MAD1L1: variants seen among roughly 807,000 people sequenced by gnomAD.
MAD1L1 encodes mitotic arrest deficient 1 like 1, also known as mitotic spindle assembly checkpoint protein MAD1.
Under a neutral mutation model 96.9 loss-of-function variants are expected in MAD1L1, and 95 were observed. That is an observed-to-expected ratio of 0.98 (90% CI 0.83 to 1.16). The LOEUF is 1.16. MAD1L1 is among the 50% of genes most tolerant of loss of function. The probability of loss-of-function intolerance (pLI) is 0.00; values close to 1 mark genes in which losing one functional copy is unlikely to be tolerated. For synonymous variants in MAD1L1, 473 were observed against 396.6 expected (o/e 1.19, Z -2.29); for missense variants, 1,007 against 954.4 (o/e 1.06, Z -0.73).
chr7:1,901,939 G>A (rs1787271206), intron 17 of MAD1L1, among the ~76,000 whole-genome samples: 1 of 152,224 alleles, frequency 6.6e-6, no homozygotes. Context: ...CCCTCTTAGA[G>A]GTACCTGCTA....
chr7:1,947,124 C>T (rs949337536), intron 16 of MAD1L1, among the ~76,000 whole-genome samples: 10 of 152,214 alleles, frequency 6.6e-5, no homozygotes, highest in Admixed American at 1.3e-4. Context: ...TCATAAGACC[C>T]GGAGCAGAGG....
chr7:1,875,371 G>A (rs930520881), intron 18 of MAD1L1, among the ~76,000 whole-genome samples: 13 of 152,180 alleles, frequency 8.5e-5, no homozygotes, highest in Admixed American at 2.6e-4. Flanking sequence ...GCTGACAGTC[G>A]CCCTCCTCGA....
At chr7:2,067,195 G>T in intron 12 of MAD1L1, among the ~76,000 whole-genome samples, 1 of 131,788 alleles carries the variant, frequency 7.6e-6, no homozygotes, top group East Asian at 2.0e-4. Flanking sequence ...GGCCACGTTC[G>T]CAGGCACCCG....
chr7:1,914,688 A>G (rs1455368230), intron 17 of MAD1L1, among the ~76,000 whole-genome samples: 1 of 152,168 alleles, frequency 6.6e-6, no homozygotes, highest in African/African-American at 2.4e-5. Context: ...ATCACAGCTC[A>G]CTGTGGCCTT....
chr7:1,978,047 G>A (rs561439099), intron 15 of MAD1L1, among the ~76,000 whole-genome samples: 12 of 152,360 alleles, frequency 7.9e-5, no homozygotes, highest in East Asian at 1.9e-4. Context: ...AGACCTTCCC[G>A]ATGCGCTGCT....
In MAD1L1 at chr7:1,962,649, T is replaced by C. The variant is rs1399720256; in HGVS notation, c.1506-4930A>G. On this transcript the variant is annotated intron_variant, in intron 15 of 18. Transcript: ENST00000265854. ...ATTTTAAAATGGACAAAAAAACAGGTGCTTTACCAAAGAAGATCTACAGAT... is the reference window on the plus strand; with the variant it reads ...ATTTTAAAATGGACAAAAAAACAGGCGCTTTACCAAAGAAGATCTACAGAT... 2.0e-5 allele frequency among the ~76,000 whole-genome samples: 3 copies of C among 152,092 alleles called. No individual in the cohort carries two copies. The East Asian group carries it at 5.8e-4, about 29-fold the overall frequency.
Position 2,219,635 on chromosome 7 carries a change from G to T in MAD1L1, c.472-179C>A, listed in dbSNP as rs1019670421. Among the ~76,000 whole-genome samples the T allele has an allele frequency of 2.4e-5, 3 of 125,592 alleles. No homozygotes were observed. The East Asian group carries it at 8.6e-4, about 36-fold the overall frequency. 82.4% of individuals were successfully genotyped at this position (125,592 alleles called of 152,430 possible). A position where few individuals can be genotyped will look rare whatever the true frequency, so the allele number is the denominator to read the frequency against. On this transcript the variant is annotated intron_variant, in intron 5 of 18. Transcript: ENST00000265854. ...GGGCATCGGGCAGAGGGGTAGGGGG[G>T]CAGAGCGGTAGGGGGGCAGATGGCA...
At chr7:2,203,537 A>G (rs1171727158) in intron 10 of MAD1L1, among the ~76,000 whole-genome samples, 2 of 152,224 alleles carry the variant, frequency 1.3e-5, no homozygotes, top group Non-Finnish European at 2.9e-5. Context: ...CCAGCATAGC[A>G]TGGCTAATTG....
At chr7:1,969,979 T>C (rs560030462) in intron 15 of MAD1L1, among the ~76,000 whole-genome samples, 117 of 152,350 alleles carry the variant, frequency 7.7e-4, no homozygotes, top group Non-Finnish European at 1.5e-3. Context: ...GGGAGACTCA[T>C]AGCTCCTGAC....
rs535684661 is a variant in MAD1L1, at chr7:2,070,630, C to A, written c.1074-1292G>T. Reference sequence around the variant, plus strand: ...ACGGCGCTGGAACACGGGAGCTGCACACGACTCTATTGAGTACCACAAACT... The same window carrying A: ...ACGGCGCTGGAACACGGGAGCTGCAAACGACTCTATTGAGTACCACAAACT... On this transcript the variant is annotated intron_variant, in intron 11 of 18. Coordinates refer to ENST00000265854, the MANE Select transcript of MAD1L1 (RefSeq NM_001013836.2). 3.3e-5 allele frequency among the ~76,000 whole-genome samples: 5 copies of A among 152,388 alleles called. No homozygotes were observed. The South Asian group carries it at 6.2e-4, about 19-fold the overall frequency.
chr7:2,206,063 C>T (rs748809761), intron 10 of MAD1L1, among the ~76,000 whole-genome samples: 21 of 152,074 alleles, frequency 1.4e-4, no homozygotes, highest in Non-Finnish European at 2.8e-4. Context: ...ACCTGGGAGG[C>T]GGAGGTTGCA....
At chr7:2,201,454 C>G (rs983945061) in intron 10 of MAD1L1, among the ~76,000 whole-genome samples, 2 of 152,268 alleles carry the variant, frequency 1.3e-5, no homozygotes, top group Admixed American at 1.3e-4. Flanking sequence ...CAACAGGACC[C>G]CAGTAAGCAC....
In MAD1L1 at chr7:1,898,262, C is replaced by T; in HGVS notation, c.1936G>A (p.Glu646Lys). The change falls in exon 18 of 19, where the codon GAG (glutamate) becomes AAG (lysine). Residue 646 changes from glutamate to lysine, a missense_variant. Glu to Lys is a moderately conservative substitution (Grantham distance 56, BLOSUM62 1). Coordinates refer to ENST00000265854, the MANE Select transcript of MAD1L1 (RefSeq NM_001013836.2). Reference sequence around the variant, plus strand: ...AGCGAGGTCAGCCGGTACTGGTTCTCCGTGGTGATGTCGATCTGGTAGCCG... The same window carrying T: ...AGCGAGGTCAGCCGGTACTGGTTCTTCGTGGTGATGTCGATCTGGTAGCCG... ...LTGYQIDITTENQYRLTSLYA... is the reference protein window; with the variant it reads ...LTGYQIDITTKNQYRLTSLYA... The T allele has an allele frequency of 6.2e-7, 1 of 1,614,160 alleles. No individual in the cohort carries two copies. Among genetic ancestry groups the T allele is most frequent in the East Asian group, 2.2e-5 (1 of 44,882 alleles).
At chr7:1,947,509 G>A (rs1055239265) in intron 16 of MAD1L1, among the ~76,000 whole-genome samples, 1 of 152,268 alleles carries the variant, frequency 6.6e-6, no homozygotes, top group African/African-American at 2.4e-5. Flanking sequence ...GGCTGTGCCT[G>A]TTGGGCCAGG....
intron 16 of MAD1L1, among the ~76,000 whole-genome samples, chr7:1,938,228 G>A (rs1328517186): frequency 8.9e-5 from 12 of 134,230 alleles, no homozygotes; most frequent in African/African-American, 2.3e-4. Flanking sequence ...GGGTTACTGC[G>A]CACCCGAGAC....
At chr7:1,860,299 C>T (rs13312316) in intron 18 of MAD1L1, among the ~76,000 whole-genome samples, 32,324 of 134,808 alleles carry the variant, frequency 0.24, 4,263 homozygotes, top group East Asian at 0.42. Flanking sequence ...CTCTGTGTCC[C>T]TAGACCTGAC....
intron 11 of MAD1L1, among the ~76,000 whole-genome samples, chr7:2,130,652 C>T (rs530640545): frequency 2.0e-5 from 3 of 152,306 alleles, no homozygotes; most frequent in South Asian, 2.1e-4. Flanking sequence ...AGTTAAGCCC[C>T]GGAGGCCGAA....
intron 15 of MAD1L1, among the ~76,000 whole-genome samples, chr7:1,975,318 T>C (rs1247884030): frequency 6.6e-6 from 1 of 152,188 alleles, no homozygotes; most frequent in Non-Finnish European, 1.5e-5. Flanking sequence ...GGTGACCTCT[T>C]TCCAGCCACA....
chr7:1,851,965 G>A (rs943702731), intron 18 of MAD1L1, among the ~76,000 whole-genome samples: 2 of 152,166 alleles, frequency 1.3e-5, no homozygotes, highest in African/African-American at 2.4e-5. Context: ...GGCAGGGCCC[G>A]GCACGGGTGG....
Sources: gnomAD v4.1 joint callset for allele counts (sites outside exome capture counted in the v4.1 genomes callset) on GRCh38, gnomAD v4.1.1 for gene constraint, MANE v1.5 for transcripts, NCBI Gene and HGNC (gene_info 2026-07-23, HGNC 2026-07-21) for gene names.